The following NME8 variants were observed in gnomAD, a reference collection of about 807,000 sequenced individuals.
The protein encoded by NME8 is NME/NM23 family member 8, also known as protein NME8.
A neutral mutation model predicts 82.3 loss-of-function variants in NME8; 72 were observed. The ratio of observed to expected loss-of-function variants is 0.87; its 90% CI spans 0.72 to 1.06. NME8 has a LOEUF of 1.06. Among genes scored for constraint, NME8 ranks in the 50% least tolerant of loss-of-function variants. The pLI is 0.00. For synonymous variants in NME8, 267 were observed against 228.5 expected (o/e 1.17, Z -1.52); for missense variants, 712 against 685.4 (o/e 1.04, Z -0.43).
At chr7:37,888,957 A>G (rs1014345448) in intron 15 of NME8, among the ~76,000 whole-genome samples, 2 of 152,012 alleles carry the variant, frequency 1.3e-5, no homozygotes, top group Admixed American at 6.6e-5. Context: ...TCAATGGAAT[A>G]CTTCATAAGG....
At chr7:37,900,087 T>C (rs867170051) in intron 17 of NME8, among the ~76,000 whole-genome samples, 157 bp from the exon 18 acceptor site, 1 of 152,228 alleles carries the variant, frequency 6.6e-6, no homozygotes, top group Non-Finnish European at 1.5e-5. Flanking sequence ...GATGACTGCT[T>C]ACTTGCTCAG....
intron 10 of NME8, 26 bp downstream of exon 10, chr7:37,865,643 C>T (rs747339772): frequency 6.7e-7 from 1 of 1,498,522 alleles, no homozygotes; most frequent in East Asian, 2.3e-5. Context: ...AGAAAAAATC[C>T]TCTATGTGTT....
intron 5 of NME8, among the ~76,000 whole-genome samples, chr7:37,853,535 T>A (rs77725849): frequency 2.0e-5 from 3 of 152,112 alleles, no homozygotes; most frequent in Non-Finnish European, 4.4e-5. Flanking sequence ...TCACAGGGAA[T>A]TGAGGATCAG....
Position 37,894,705 on chromosome 7 carries a change from T to C in NME8, c.1544+95T>C. On this transcript the variant is annotated intron_variant, in intron 16 of 17. Coordinates refer to ENST00000199447, the MANE Select transcript of NME8 (RefSeq NM_016616.5). Reference sequence around the variant, plus strand: ...TGCAAAAATTAATTAAAACATTTCATCTAATCTCATTCATGAAAAGACATT... The same window carrying C: ...TGCAAAAATTAATTAAAACATTTCACCTAATCTCATTCATGAAAAGACATT... 13 of 1,189,364 alleles carry C rather than the reference T, an allele frequency of 1.1e-5. No individual in the cohort carries two copies. In the South Asian group the frequency reaches 1.7e-4, roughly 16 times the overall value. The allele number at this position is 1,189,364 out of a possible 1,614,324, so 73.7% of individuals were successfully genotyped here.
chr7:37,886,129 T>C (rs771358714), intron 14 of NME8, among the ~76,000 whole-genome samples: 2 of 152,220 alleles, frequency 1.3e-5, no homozygotes, highest in Non-Finnish European at 2.9e-5. Flanking sequence ...TAGTTAGCCC[T>C]ACTCAATTAT....
At chr7:37,887,377 C>T (rs1022680248) in intron 14 of NME8, among the ~76,000 whole-genome samples, 1 of 152,106 alleles carries the variant, frequency 6.6e-6, no homozygotes, top group Non-Finnish European at 1.5e-5. Context: ...GGTCTAGAGT[C>T]AAATGCCATG....
chr7:37,883,645 G>A (rs1171272634), intron 12 of NME8, among the ~76,000 whole-genome samples: 2 of 152,290 alleles, frequency 1.3e-5, no homozygotes, highest in East Asian at 3.9e-4. Context: ...GCAGGAAGCA[G>A]AAGATGGTGT....
At position 37,896,969 on chromosome 7, in the gene NME8, C is replaced by T; in HGVS notation, c.1644C>T (p.Ser548=). 6.2e-7 allele frequency: 1 copy of T among 1,613,794 alleles called. No individual in the cohort carries two copies. The highest frequency in any genetic ancestry group is 8.5e-7 in the Non-Finnish European group (1 of 1,179,868). Residue 548 remains serine (S), a synonymous_variant, in exon 17 of 18, where the codon TCC becomes TCT. Transcript: ENST00000199447. ...PTDPEEAKLL[S]PDSIRAQFGI... ...ACCCAGAAGAAGCAAAATTACTTTC[C>T]CCTGACTCCATCCGAGCCCAGTTTG...
At chr7:37,852,915 A>G (rs1021286577) in intron 5 of NME8, among the ~76,000 whole-genome samples, 4 of 152,170 alleles carry the variant, frequency 2.6e-5, no homozygotes, top group African/African-American at 7.2e-5. Context: ...AAACCACCAA[A>G]TCTTCCTAAG....
At chr7:37,871,985 C>T (rs1784773243) in intron 11 of NME8, among the ~76,000 whole-genome samples, 1 of 151,996 alleles carries the variant, frequency 6.6e-6, no homozygotes, top group African/African-American at 2.4e-5. Flanking sequence ...AAGCAGCTGG[C>T]TGTCAGTGAG....
chr7:37,852,227 T>C (rs1444560250), intron 5 of NME8, among the ~76,000 whole-genome samples: 1 of 152,116 alleles, frequency 6.6e-6, no homozygotes, highest in Non-Finnish European at 1.5e-5. Context: ...TAGCAAAATT[T>C]ACCAGGAAGT....
intron 5 of NME8, among the ~76,000 whole-genome samples, chr7:37,856,998 G>T (rs1361678727): frequency 2.0e-5 from 3 of 152,158 alleles, no homozygotes; most frequent in Non-Finnish European, 2.9e-5. Flanking sequence ...AACAGGGACA[G>T]TAAAAGAAGG....
intron 15 of NME8, among the ~76,000 whole-genome samples, chr7:37,889,015 A>T (rs1161075558): frequency 4.0e-5 from 6 of 151,822 alleles, no homozygotes; most frequent in African/African-American, 1.5e-4. Flanking sequence ...AGCAGCACTG[A>T]GATTGGTATT....
At chr7:37,871,943 C>T (rs1416766188) in intron 11 of NME8, among the ~76,000 whole-genome samples, 1 of 152,062 alleles carries the variant, frequency 6.6e-6, no homozygotes, top group Admixed American at 6.5e-5. Context: ...AGCTTTCTTT[C>T]CTCTCCATAG....
In NME8 at chr7:37,864,378, C is replaced by G. The variant is rs200863038; in HGVS notation, c.485C>G (p.Pro162Arg). The G allele has an allele frequency of 6.3e-7, 1 of 1,590,342 alleles. No individual in the cohort carries two copies. The highest frequency in any genetic ancestry group is 8.6e-7 in the Non-Finnish European group (1 of 1,161,922). Residue 162 changes from proline (P) to arginine (R), a missense_variant, in exon 9 of 18, where the codon CCG becomes CGG. Physicochemically the swap from Pro to Arg is moderately radical, Grantham distance 103 (BLOSUM62 -2). Transcript: ENST00000199447. ...QELYSIAIIK[P>R]DAVISKKVLE... ...TTATACAGTATTGCTATTATCAAACCGGATGCTGTGATTAGTAAAAAAGTT... is the reference window on the plus strand; with the variant it reads ...TTATACAGTATTGCTATTATCAAACGGGATGCTGTGATTAGTAAAAAAGTT...
intron 9 of NME8, among the ~76,000 whole-genome samples, chr7:37,865,035 A>T (rs1243859685): frequency 6.6e-6 from 1 of 152,146 alleles, no homozygotes; most frequent in African/African-American, 2.4e-5. Context: ...GAGCCAAACC[A>T]TATCATTCTG....
intron 17 of NME8, among the ~76,000 whole-genome samples, chr7:37,898,424 T>C (rs1163906714): frequency 1.3e-5 from 2 of 152,192 alleles, no homozygotes; most frequent in South Asian, 2.1e-4. Flanking sequence ...TGTACAGTAA[T>C]GTTTATAGAA....
chr7:37,882,350 G>C (rs1784959850), intron 12 of NME8, among the ~76,000 whole-genome samples: 1 of 151,894 alleles, frequency 6.6e-6, no homozygotes, highest in Admixed American at 6.6e-5. Flanking sequence ...AGCCGGGCGT[G>C]GTGGCCCATG....
At chr7:37,885,624 A>G (rs1785029657) in intron 14 of NME8, among the ~76,000 whole-genome samples, 1 of 152,190 alleles carries the variant, frequency 6.6e-6, no homozygotes, top group Admixed American at 6.5e-5. Flanking sequence ...TAAGACAATG[A>G]TGACTAATTG....
Sources: allele counts gnomAD v4.1 joint callset (sites outside exome capture counted in the v4.1 genomes callset), GRCh38; gene constraint gnomAD v4.1.1; transcripts MANE v1.5; gene names NCBI Gene and HGNC (gene_info 2026-07-23, HGNC 2026-07-21).